The following DZIP1L variants were observed in gnomAD, a reference collection of about 807,000 sequenced individuals.
DZIP1L encodes cilium assembly protein DZIP1L.
In DZIP1L, 90 loss-of-function variants were observed where a neutral mutation model predicts 88.7. The observed-to-expected ratio is 1.02, with a 90% CI of 0.86 to 1.21. The LOEUF (loss-of-function observed/expected upper bound fraction) is 1.21. Ranked by LOEUF, DZIP1L falls within the 50% of genes most tolerant of loss-of-function variation. The probability of loss-of-function intolerance (pLI) is 0.00; values close to 1 mark genes in which losing one functional copy is unlikely to be tolerated. For missense variants in DZIP1L, 932 were observed against 955.8 expected (o/e 0.98, Z 0.33); for synonymous variants, 363 against 372.1 (o/e 0.98, Z 0.28).
At chr3:138,070,709 T>C (rs2107741759) in intron 12 of DZIP1L, among the ~76,000 whole-genome samples, 1 of 152,336 alleles carries the variant, frequency 6.6e-6, no homozygotes, top group South Asian at 2.1e-4. Flanking sequence ...GCAAAATTTT[T>C]TTGCATGAAG....
intron 2 of DZIP1L, chr3:138,101,633 C>T: frequency 1.3e-6 from 1 of 795,800 alleles, no homozygotes; most frequent in Non-Finnish European, 2.2e-6. Flanking sequence ...TAGCTGAGGC[C>T]AGGGCTTGTG....
intron 2 of DZIP1L, among the ~76,000 whole-genome samples, chr3:138,100,091 C>T (rs1545816): frequency 0.41 from 62,188 of 151,200 alleles, 14,825 homozygotes; most frequent in African/African-American, 0.67. Flanking sequence ...CAGGTAATCC[C>T]CCCAGGATGG....
At chr3:138,064,406 T>C (rs1942799200) in intron 15 of DZIP1L, 3 of 1,452,960 alleles carry the variant, frequency 2.1e-6, no homozygotes, top group East Asian at 2.6e-5. Flanking sequence ...GCATTGCTTA[T>C]ATAATGAACC....
rs1194695710 is a variant in DZIP1L at position 138,094,933 on chromosome 3, GTAGCTCTTCTAA to G, written c.625_636del (p.Leu209_Leu212del). ...CCTTGGGTCCACTTTAGCTTGGCCC[GTAGCTCTTCTAA>G]CACCTCTTCCACTGGCTGTTCCTGT... On this transcript the variant is annotated inframe_deletion, in exon 4 of 16. Coordinates refer to ENST00000327532, the MANE Select transcript of DZIP1L (RefSeq NM_173543.3). 49 of 1,614,106 alleles carry G rather than the reference GTAGCTCTTCTAA, an allele frequency of 3.0e-5. No individual in the cohort carries two copies. Among genetic ancestry groups the G allele is most frequent in the Non-Finnish European group, 4.2e-5 (49 of 1,180,046 alleles).
intron 1 of DZIP1L, among the ~76,000 whole-genome samples, chr3:138,106,684 T>C (rs1331682909): frequency 1.3e-5 from 2 of 151,630 alleles, no homozygotes; most frequent in Non-Finnish European, 2.9e-5. Flanking sequence ...ATAGAAAAAT[T>C]AGCCGGGCGT....
chr3:138,096,518 G>A (rs949128366), intron 3 of DZIP1L, among the ~76,000 whole-genome samples: 2 of 152,094 alleles, frequency 1.3e-5, no homozygotes, highest in African/African-American at 2.4e-5. Context: ...TAGTCAAAGC[G>A]CACATTATAT....
chr3:138,103,471 C>T lies in DZIP1L; in HGVS notation c.501G>A (p.Thr167=), dbSNP rs369177951. Residue 167 remains threonine (T), a splice_region_variant and synonymous_variant, in exon 2 of 16, where the codon ACG becomes ACA. Transcript: ENST00000327532. The part of the protein sequence containing the change: ...LMQTGTHSYH[T]CHLCDKTFMN... ...TCCCTGCCTGGTGGAGATTCCTCAC[C>T]GTGTGGTAGCTGTGGGTGCCTGTCT... is the stretch of plus-strand genomic sequence containing the variant. 1.6e-5 allele frequency: 25 copies of T among 1,595,116 alleles called. No individual in the cohort carries two copies. Among genetic ancestry groups the T allele is most frequent in the Middle Eastern group, 1.7e-4 (1 of 5,948 alleles).
chr3:138,108,884 G>A (rs2042567286), intron 1 of DZIP1L, among the ~76,000 whole-genome samples: 1 of 152,198 alleles, frequency 6.6e-6, no homozygotes, highest in Non-Finnish European at 1.5e-5. Context: ...GGTTCTCAAA[G>A]TGTGGTCTCT....
intron 12 of DZIP1L, among the ~76,000 whole-genome samples, chr3:138,068,642 G>A (rs962885965): frequency 3.3e-5 from 5 of 152,112 alleles, no homozygotes; most frequent in African/African-American, 4.8e-5. Context: ...GCAGGAGTCC[G>A]CGGGCCTGAA....
intron 1 of DZIP1L, among the ~76,000 whole-genome samples, chr3:138,107,457 G>A (rs2042528593): frequency 6.6e-6 from 1 of 152,126 alleles, no homozygotes; most frequent in African/African-American, 2.4e-5. Context: ...ACTTGATATT[G>A]GACTTAAGCT....
rs1365905031 is a variant in DZIP1L, at chr3:138,068,217, G to A, written c.1766C>T (p.Ala589Val). 4.4e-6 allele frequency: 7 copies of A among 1,593,370 alleles called. No homozygotes were observed. In the East Asian group the frequency reaches 1.1e-4, roughly 26 times the overall value. The change falls in exon 13 of 16, where the codon GCC becomes GTC. Residue 589 changes from alanine to valine, a missense_variant. Coordinates refer to ENST00000327532, the MANE Select transcript of DZIP1L (RefSeq NM_173543.3). ...ATGCAGTCCGGGGCGTGGAGCGGGGGCGGACACCTGGGTCAGGCTGGAGCC... is the reference window on the plus strand; with the variant it reads ...ATGCAGTCCGGGGCGTGGAGCGGGGACGGACACCTGGGTCAGGCTGGAGCC... ...SHGSSLTQVS[A>V]PAPRPGLHGP...
Position 138,068,231 on chromosome 3 carries a change from C to G in DZIP1L, c.1752G>C (p.Leu584=). ...GTGGAGCGGGGGCGGACACCTGGGT[C>G]AGGCTGGAGCCATGGCTGCCATGGC... ...RQSHGSHGSS[L]TQVSAPAPRP... Residue 584 remains leucine, a synonymous_variant, in exon 13 of 16, where the codon CTG becomes CTC. Transcript: ENST00000327532. 1 of 1,593,884 alleles carries G rather than the reference C, an allele frequency of 6.3e-7. No homozygotes were observed. The highest frequency in any genetic ancestry group is 1.1e-5 in the South Asian group (1 of 87,874).
intron 2 of DZIP1L, chr3:138,102,389 C>T (rs773818111): frequency 1.4e-5 from 18 of 1,255,948 alleles, no homozygotes; most frequent in Middle Eastern, 2.6e-4. Context: ...CATACTTGTT[C>T]TCGAAGTCCT....
At chr3:138,064,284 C>T (rs1029158169) in intron 15 of DZIP1L, 1 of 1,040,818 alleles carries the variant, frequency 9.6e-7, no homozygotes, top group East Asian at 5.7e-5. Context: ...TGGGGAGGAG[C>T]CCACTGTGGG....
chr3:138,092,520 C>A lies in DZIP1L; in HGVS notation c.733G>T (p.Glu245Ter), dbSNP rs1267493387. ...TCAAATTCTTTCTTAGCTTCTATTT[C>A]CCTCTGATGAATGAGCTCTGCTTCC... ...LQEAELIHQR[E>*]IEAKKEFDKW... The change falls in exon 5 of 16, where the codon GAA (glutamate) becomes TAA (stop). Residue 245 changes from glutamate to a stop codon, truncating the protein, a stop_gained. Transcript: ENST00000327532. LOFTEE classifies it high-confidence loss of function. 6.3e-7 allele frequency: 1 copy of A among 1,595,224 alleles called. No homozygotes were observed.
chr3:138,101,899 G>T, intron 2 of DZIP1L: 1 of 1,444,082 alleles, frequency 6.9e-7, no homozygotes, highest in Non-Finnish European at 9.7e-7. Context: ...ATCCTTAATG[G>T]CCAGCTCCCC....
chr3:138,066,481 C>T (rs1404822385), intron 14 of DZIP1L, among the ~76,000 whole-genome samples: 2 of 152,118 alleles, frequency 1.3e-5, no homozygotes, highest in East Asian at 3.9e-4. Context: ...AACACATTAA[C>T]TTCAAAAACA....
At chr3:138,093,987 C>T in intron 4 of DZIP1L, among the ~76,000 whole-genome samples, 1 of 152,202 alleles carries the variant, frequency 6.6e-6, no homozygotes, top group Non-Finnish European at 1.5e-5. Flanking sequence ...CATAACTTGG[C>T]TGTTTGGCAC....
At chr3:138,109,927 G>T (rs1462622436) in intron 1 of DZIP1L, among the ~76,000 whole-genome samples, 5 of 152,114 alleles carry the variant, frequency 3.3e-5, no homozygotes, top group African/African-American at 1.2e-4. Context: ...CACAGACACA[G>T]GGAGGGGAAT....
Sources: allele counts gnomAD v4.1 joint callset (sites outside exome capture counted in the v4.1 genomes callset), GRCh38; gene constraint gnomAD v4.1.1; transcripts MANE v1.5; gene names NCBI Gene and HGNC (gene_info 2026-07-23, HGNC 2026-07-21).